PRMT8: variants seen among roughly 807,000 people sequenced by gnomAD.
PRMT8 encodes the protein protein arginine methyltransferase 8, also known as protein arginine N-methyltransferase 8.
A neutral mutation model predicts 47.1 loss-of-function variants in PRMT8; 7 were observed. That is an observed-to-expected ratio of 0.15 (90% CI 0.08 to 0.28). The LOEUF (loss-of-function observed/expected upper bound fraction) is 0.28, where lower values mean the gene tolerates loss of function less well. PRMT8 is among the 10% of genes least tolerant of loss of function. PRMT8 has a pLI of 1.00. For synonymous variants in PRMT8, 188 were observed against 186.5 expected, an observed-to-expected ratio of 1.01 and a Z score of -0.07; for missense variants, 237 against 505.4, an observed-to-expected ratio of 0.47 and a Z score of 5.09.
intron 4 of PRMT8, among the ~76,000 whole-genome samples, chr12:3,565,606 T>C (rs1180526795): frequency 3.3e-5 from 5 of 152,202 alleles, no homozygotes; most frequent in Non-Finnish European, 7.4e-5. Context: ...TAGGGTTAAC[T>C]GATTCCTTCT....
In PRMT8 at chr12:3,540,618, C is replaced by CCCAG; in HGVS notation, c.90_91insAGCC (p.Gln32LeufsTer11). 10 of 1,134,788 alleles carry CCCAG rather than the reference C, an allele frequency of 8.8e-6. No homozygotes were observed. Among genetic ancestry groups the CCCAG allele is most frequent in the African/African-American group, 1.5e-5 (1 of 65,146 alleles). 70.3% of individuals were successfully genotyped at this position (1,134,788 alleles called of 1,614,324 possible). A position where few individuals can be genotyped will look rare whatever the true frequency, so the allele number is the denominator to read the frequency against. ...CTCTTCCCCTCAGGTGAACAGCCCC[C>CCCAG]CCTCCCAGCCCCCCCAGCCCGTCGT... On this transcript the variant is annotated frameshift_variant, in exon 2 of 10. Transcript: ENST00000382622. LOFTEE classifies it high-confidence loss of function.
intron 1 of PRMT8, among the ~76,000 whole-genome samples, chr12:3,521,270 C>T (rs1439036200): frequency 2.6e-5 from 4 of 152,126 alleles, no homozygotes; most frequent in African/African-American, 9.7e-5. Context: ...ATGTGTGATC[C>T]AATACTCAAG....
chr12:3,485,277 A>G (rs1002085353), intron 1 of PRMT8, among the ~76,000 whole-genome samples: 1 of 152,176 alleles, frequency 6.6e-6, no homozygotes, highest in Non-Finnish European at 1.5e-5. Context: ...ACACATTTAA[A>G]ACAGGATTAC....
In PRMT8 at chr12:3,576,798, C is replaced by G; in HGVS notation, c.713-73C>G. ...ACTCAGCCCTCAGGCACGCTGTGCT[C>G]TAGGACTCAGGAGGGTTGGGTGAGC... On this transcript the variant is annotated intron_variant, in intron 6 of 9. Transcript: ENST00000382622. The surrounding 1 kb of genome is among the most constrained non-coding windows in gnomAD (Gnocchi z 4.0). The G allele has an allele frequency of 1.7e-6, 2 of 1,202,952 alleles. No individual in the cohort carries two copies. Among genetic ancestry groups the G allele is most frequent in the Non-Finnish European group, 2.5e-6 (2 of 815,362 alleles). 74.5% of individuals were successfully genotyped at this position (1,202,952 alleles called of 1,614,324 possible). A position where few individuals can be genotyped will look rare whatever the true frequency, so the allele number is the denominator to read the frequency against.
chr12:3,562,988 G>A (rs1866661448), intron 4 of PRMT8, among the ~76,000 whole-genome samples: 1 of 152,130 alleles, frequency 6.6e-6, no homozygotes. Flanking sequence ...ACTCTACCCA[G>A]TACCAGTGCC....
chr12:3,541,890 C>T (rs1390568626), intron 2 of PRMT8, among the ~76,000 whole-genome samples: 1 of 152,094 alleles, frequency 6.6e-6, no homozygotes, highest in Non-Finnish European at 1.5e-5. Flanking sequence ...TGATTTAGGC[C>T]CTTAAGAATC....
intron 1 of PRMT8, among the ~76,000 whole-genome samples, chr12:3,387,083 G>T (rs1214070235): frequency 6.6e-6 from 1 of 152,148 alleles, no homozygotes; most frequent in African/African-American, 2.4e-5. Flanking sequence ...TAATGTTATT[G>T]CTCTTTTTGC....
chr12:3,446,817 G>A (rs146498747), intron 1 of PRMT8, among the ~76,000 whole-genome samples: 1 of 152,156 alleles, frequency 6.6e-6, no homozygotes, highest in Admixed American at 6.5e-5. Context: ...GATGTACCAC[G>A]CGGGGCCTCC....
At chr12:3,413,914 A>G (rs943034018) in intron 1 of PRMT8, among the ~76,000 whole-genome samples, 2 of 152,222 alleles carry the variant, frequency 1.3e-5, no homozygotes, top group African/African-American at 4.8e-5. Context: ...ACACCATTTT[A>G]TATAAGGGAC....
intron 1 of PRMT8, among the ~76,000 whole-genome samples, chr12:3,470,197 G>C (rs983812388): frequency 4.6e-5 from 7 of 152,224 alleles, no homozygotes; most frequent in Non-Finnish European, 8.8e-5. Context: ...GGGATGCTCT[G>C]TGTGTGTGGA....
In PRMT8 at chr12:3,569,399, T is replaced by C. The variant is rs933777134; in HGVS notation, c.625-78T>C. 21 of 1,207,746 alleles carry C rather than the reference T, an allele frequency of 1.7e-5. No homozygotes were observed. The African/African-American group carries it at 2.8e-4, about 16-fold the overall frequency. 74.8% of individuals were successfully genotyped at this position (1,207,746 alleles called of 1,614,324 possible). On this transcript the variant is annotated intron_variant, in intron 5 of 9. Coordinates refer to ENST00000382622, the MANE Select transcript of PRMT8 (RefSeq NM_019854.5). This position sits in a 1 kb window ranked among gnomAD's most constrained non-coding sequence, Gnocchi z 8.2. ...GGCAAGGGGGTGCTTGTCTGGTGAC[T>C]CTATGTGCAGTTCAAAATGTGATGT...
chr12:3,499,159 A>AT (rs58032702), intron 1 of PRMT8, among the ~76,000 whole-genome samples: 19,615 of 130,638 alleles, frequency 0.15, 2,008 homozygotes, highest in African/African-American at 0.32. Flanking sequence ...CCCTATTTTT[A>AT]TTTTTATTTA....
At chr12:3,590,407 G>C (rs1294822105) in intron 8 of PRMT8, among the ~76,000 whole-genome samples, 1 of 152,190 alleles carries the variant, frequency 6.6e-6, no homozygotes, top group Non-Finnish European at 1.5e-5. Context: ...TTGGCGCTGT[G>C]TGAACACCTG....
intron 1 of PRMT8, among the ~76,000 whole-genome samples, chr12:3,475,557 C>A (rs1865203637): frequency 6.6e-6 from 1 of 152,200 alleles, no homozygotes; most frequent in Non-Finnish European, 1.5e-5. Flanking sequence ...GGCTCACCAG[C>A]CCTCTGTCCG....
At chr12:3,549,876 T>TGG in intron 2 of PRMT8, 60 bp from the exon 3 acceptor site, 1 of 1,585,856 alleles carries the variant, frequency 6.3e-7, no homozygotes, top group Admixed American at 1.7e-5. Flanking sequence ...CTCATAGCCA[T>TGG]GGTGTACACC....
At chr12:3,424,974 T>C (rs1439146715) in intron 1 of PRMT8, among the ~76,000 whole-genome samples, 1 of 152,062 alleles carries the variant, frequency 6.6e-6, no homozygotes. Flanking sequence ...TTCCTCAGAG[T>C]CACTTTGCAA....
chr12:3,492,837 G>C lies in PRMT8; in HGVS notation c.75+1137G>C, dbSNP rs1865444511. Among the ~76,000 whole-genome samples, 1 of 151,992 alleles carries C rather than the reference G, an allele frequency of 6.6e-6. No homozygotes were observed. The highest frequency in any genetic ancestry group is 2.4e-5 in the African/African-American group (1 of 41,360). ...AAAGACACAGAGAGCAAACTCCCAG[G>C]CTCTATTAATAGCTGGGTGTCTGGT... On this transcript the variant is annotated intron_variant, in intron 1 of 9. Coordinates refer to ENST00000382622, the MANE Select transcript of PRMT8 (RefSeq NM_019854.5). This position sits in a 1 kb window ranked among gnomAD's most constrained non-coding sequence, Gnocchi z 7.5.
At chr12:3,459,102 C>T (rs1368625005) in intron 1 of PRMT8, among the ~76,000 whole-genome samples, 1 of 152,230 alleles carries the variant, frequency 6.6e-6, no homozygotes, top group Non-Finnish European at 1.5e-5. Context: ...ATCCAGATTC[C>T]TTCATCCCCC....
In PRMT8 at chr12:3,397,864, C is replaced by T. The variant is rs7961603; in HGVS notation, c.48+16422C>T. On this transcript the variant is annotated intron_variant, in intron 1 of 9. Transcript: ENST00000452611. ...ACTGCTGTGCTAGCAATCAGCGAGA[C>T]TCCATGGGCGTAGGACCCTCCGAGC... is the stretch of plus-strand genomic sequence containing the variant. Among the ~76,000 whole-genome samples the T allele has an allele frequency of 7.2e-4, 110 of 152,312 alleles. 1 individual carries two copies. The South Asian group carries it at 0.016, about 23-fold the overall frequency.
Sources: allele counts gnomAD v4.1 joint callset (sites outside exome capture counted in the v4.1 genomes callset), GRCh38; gene constraint gnomAD v4.1.1; non-coding constraint Gnocchi (gnomAD v3.1); transcripts MANE v1.5; gene names NCBI Gene and HGNC (gene_info 2026-07-23, HGNC 2026-07-21).